Variants in TAPBPL observed in about 807,000 individuals in gnomAD.
TAPBPL encodes the protein TAP binding protein like, also known as tapasin-related protein.
In TAPBPL, 32 loss-of-function variants were observed where a neutral mutation model predicts 44.8. The ratio of observed to expected loss-of-function variants is 0.71; its 90% CI spans 0.54 to 0.96. TAPBPL has a LOEUF of 0.96. TAPBPL is among the 40% of genes least tolerant of loss of function. TAPBPL has a pLI of 0.00. For synonymous variants in TAPBPL, 230 were observed against 240.7 expected, an observed-to-expected ratio of 0.96 and a Z score of 0.41; for missense variants, 520 against 586.6, an observed-to-expected ratio of 0.89 and a Z score of 1.17.
downstream of TAPBPL, chr12:6,463,448 T>C: frequency 9.6e-7 from 1 of 1,042,484 alleles, no homozygotes; most frequent in South Asian, 3.2e-5. This position sits in a 1 kb window ranked among gnomAD's most constrained non-coding sequence, Gnocchi z 4.0. Context: ...AGGAAAGGAT[T>C]CCATGGGTGT....
At chr12:6,454,456 A>G (rs1264203583) in intron 3 of TAPBPL, among the ~76,000 whole-genome samples, 4 of 152,218 alleles carry the variant, frequency 2.6e-5, no homozygotes, top group African/African-American at 9.7e-5. Flanking sequence ...CAGCTGAGTG[A>G]GACACCGTCT....
Position 6,457,623 on chromosome 12 carries a change from C to G in TAPBPL, c.783C>G (p.Gly261=), listed in dbSNP as rs141207979. ...KGATLEPAQL[G]MARDASLTLP... ...CTACCCTGGAGCCTGCACAACTGGG[C>G]ATGGCCAGGGATGCCTCCCTCACCC... Residue 261 remains glycine (G), a synonymous_variant, in exon 4 of 7, where the codon GGC becomes GGG. Transcript: ENST00000266556. 730 of 1,614,138 alleles carry G rather than the reference C, an allele frequency of 4.5e-4. 2 individuals are homozygous for G. Among genetic ancestry groups the G allele is most frequent in the Middle Eastern group, 2.3e-3 (14 of 6,062 alleles).
upstream of TAPBPL, chr12:6,452,032 C>T (rs544743053): frequency 3.9e-5 from 23 of 596,344 alleles, no homozygotes; most frequent in Admixed American, 1.8e-4. Flanking sequence ...AGGGCTCTGG[C>T]AGCTGCTGCA....
chr12:6,466,173 G>A, downstream of TAPBPL: 2 of 1,613,554 alleles, frequency 1.2e-6, no homozygotes, highest in Non-Finnish European at 1.7e-6. Context: ...GTTCCCTTTT[G>A]TTTCCAAACT....
Position 6,462,113 on chromosome 12 carries a change from T to A in TAPBPL, c.1371T>A (p.His457Gln). The change falls in exon 7 of 7, where the codon CAT (histidine) becomes CAA (glutamine). Residue 457 changes from histidine to glutamine, a missense_variant. By Grantham distance (24) the His-to-Gln change is conservative (BLOSUM62 0). Transcript: ENST00000266556. The stretch of plus-strand genomic sequence containing the variant: ...CTGACACACAGAGCTCCCATCTCCA[T>A]GAAGACCGCACAGCGCGTGTAAGCC... ...SCADTQSSHL[H>Q]EDRTARVSQP... is the part of the protein sequence containing the mutation. 6.2e-7 allele frequency: 1 copy of A among 1,613,392 alleles called. No individual in the cohort carries two copies. Among genetic ancestry groups the A allele is most frequent in the Non-Finnish European group, 8.5e-7 (1 of 1,179,410 alleles).
intron 1 of TAPBPL, 74 bp from the exon 2 acceptor site, chr12:6,452,993 G>A: frequency 7.0e-7 from 1 of 1,435,596 alleles, no homozygotes; most frequent in Non-Finnish European, 9.4e-7. Flanking sequence ...TCCACAGCTT[G>A]AGGGCGGGGG....
rs576348749 is a variant in TAPBPL, at chr12:6,452,769, T to A, written c.65-298T>A. ...GTGGCACTTGCTTGTTTTCTGAGAATTCCTTTGACTGAAAAGATAGTCTTT... is the reference window on the plus strand; with the variant it reads ...GTGGCACTTGCTTGTTTTCTGAGAAATCCTTTGACTGAAAAGATAGTCTTT... On this transcript the variant is annotated intron_variant, in intron 1 of 6. Transcript: ENST00000266556. The A allele has an allele frequency of 5.8e-4, 344 of 593,652 alleles. 2 individuals are homozygous for A. Among genetic ancestry groups the A allele is most frequent in the South Asian group, 8.1e-4 (35 of 43,006 alleles). The allele number at this position is 593,652 out of a possible 1,614,324, so 36.8% of individuals were successfully genotyped here.
At chr12:6,470,418 T>A, downstream of TAPBPL, 1 of 1,512,684 alleles carries the variant, frequency 6.6e-7, no homozygotes, top group Non-Finnish European at 9.1e-7. Context: ...CGGTGGTAGT[T>A]CCCCGCGTTG....
intron 3 of TAPBPL, among the ~76,000 whole-genome samples, chr12:6,457,090 C>CTTT (rs1949720893): frequency 6.6e-6 from 1 of 152,202 alleles, no homozygotes; most frequent in Admixed American, 6.5e-5. Flanking sequence ...GCTTTTTCTG[C>CTTT]TACTCTAGTA....
chr12:6,458,980 A>G (rs1415279043), intron 5 of TAPBPL, 33 bp downstream of exon 5: 4 of 1,598,532 alleles, frequency 2.5e-6, no homozygotes, highest in Non-Finnish European at 3.4e-6. Context: ...CCCCACCTCC[A>G]CACTAGGGCT....
chr12:6,460,350 C>T (rs1008306625), intron 5 of TAPBPL, among the ~76,000 whole-genome samples: 3 of 152,236 alleles, frequency 2.0e-5, no homozygotes, highest in African/African-American at 7.2e-5. Flanking sequence ...ACTGCAAACT[C>T]TGCCTCCCAG....
rs770751415 is a variant in TAPBPL at position 6,453,209 on chromosome 12, G to C, written c.207G>C (p.Val69=). The change falls in exon 2 of 7, where the codon GTG becomes GTC. Residue 69 remains valine, a synonymous_variant. Transcript: ENST00000266556. This position sits in a 1 kb window ranked among gnomAD's most constrained non-coding sequence, Gnocchi z 4.8. ...CCCTTGTGCTGAAGCAGGTGCCAGTGCTGGACGATGGCTCCCTGGAGGACT... is the reference window on the plus strand; with the variant it reads ...CCCTTGTGCTGAAGCAGGTGCCAGTCCTGGACGATGGCTCCCTGGAGGACT... ...RASLVLKQVP[V]LDDGSLEDFT... The C allele has an allele frequency of 6.2e-7, 1 of 1,613,630 alleles. No homozygotes were observed.
chr12:6,458,354 C>T (rs1174618867), intron 4 of TAPBPL, among the ~76,000 whole-genome samples: 2 of 150,026 alleles, frequency 1.3e-5, no homozygotes, highest in Non-Finnish European at 3.0e-5. Context: ...CCAGCTTGGG[C>T]GACAGAGCAA....
chr12:6,464,645 T>C, downstream of TAPBPL: 1 of 1,458,732 alleles, frequency 6.9e-7, no homozygotes, highest in Non-Finnish European at 9.0e-7. Flanking sequence ...ACACACAGCA[T>C]AGCCCCACTT....
At chr12:6,470,586 C>G, downstream of TAPBPL, 1 of 1,612,160 alleles carries the variant, frequency 6.2e-7, no homozygotes, top group South Asian at 1.1e-5. Context: ...CGGCGAGACA[C>G]CCGGTGAGGG....
chr12:6,460,401 G>A (rs1405490630), intron 5 of TAPBPL, among the ~76,000 whole-genome samples: 1 of 152,082 alleles, frequency 6.6e-6, no homozygotes, highest in Non-Finnish European at 1.5e-5. Context: ...AAGTACCTGG[G>A]ACCACAGGCG....
chr12:6,457,623 C>T lies in TAPBPL; in HGVS notation c.783C>T (p.Gly261=), dbSNP rs141207979. ...KGATLEPAQL[G]MARDASLTLP... ...CTACCCTGGAGCCTGCACAACTGGG[C>T]ATGGCCAGGGATGCCTCCCTCACCC... is the stretch of plus-strand genomic sequence containing the variant. The change falls in exon 4 of 7, where the codon GGC becomes GGT. Residue 261 remains glycine (G), a synonymous_variant. Coordinates refer to ENST00000266556, the MANE Select transcript of TAPBPL (RefSeq NM_018009.5). The T allele has an allele frequency of 1.2e-6, 2 of 1,614,138 alleles. No individual in the cohort carries two copies. The highest frequency in any genetic ancestry group is 2.2e-5 in the South Asian group (2 of 91,074).
intron 3 of TAPBPL, among the ~76,000 whole-genome samples, chr12:6,456,929 C>T (rs908916560): frequency 3.9e-5 from 6 of 152,102 alleles, no homozygotes; most frequent in Non-Finnish European, 8.8e-5. Context: ...CTGGGATTAC[C>T]GGCATGAGCC....
downstream of TAPBPL, chr12:6,463,452 T>C (rs1047121658): frequency 7.7e-6 from 8 of 1,042,434 alleles, no homozygotes; most frequent in African/African-American, 1.2e-4. This position sits in a 1 kb window ranked among gnomAD's most constrained non-coding sequence, Gnocchi z 4.0. Flanking sequence ...AAGGATTCCA[T>C]GGGTGTCCAA....
Sources: gnomAD v4.1 joint callset for allele counts (sites outside exome capture counted in the v4.1 genomes callset) on GRCh38, gnomAD v4.1.1 for gene constraint, Gnocchi (gnomAD v3.1) non-coding constraint, MANE v1.5 for transcripts, NCBI Gene and HGNC (gene_info 2026-07-23, HGNC 2026-07-21) for gene names.